Variants in STK32B observed in about 807,000 individuals in gnomAD.
STK32B encodes serine/threonine-protein kinase 32B.
In STK32B, 43 loss-of-function variants were observed where a neutral mutation model predicts 52.6. The ratio of observed to expected loss-of-function variants is 0.82; its 90% confidence interval spans 0.64 to 1.05. The LOEUF (loss-of-function observed/expected upper bound fraction) is 1.05, where lower values mean the gene tolerates loss of function less well. Ranked by LOEUF, STK32B falls within the 50% of genes least tolerant of loss-of-function variation. STK32B has a pLI of 0.00. For synonymous variants in STK32B, 238 were observed against 204.3 expected, an observed-to-expected ratio of 1.17 and a Z score of -1.41; for missense variants, 621 against 534.6, an observed-to-expected ratio of 1.16 and a Z score of -1.59.
intron 3 of STK32B, among the ~76,000 whole-genome samples, chr4:5,243,788 AG>A (rs774421133): frequency 1.3e-5 from 2 of 152,092 alleles, no homozygotes; most frequent in South Asian, 2.1e-4. Context: ...TTTAGCATGA[AG>A]GGTTGTTGAA....
At chr4:5,411,792 A>G (rs1292803754) in intron 5 of STK32B, among the ~76,000 whole-genome samples, 1 of 152,048 alleles carries the variant, frequency 6.6e-6, no homozygotes, top group Non-Finnish European at 1.5e-5. Context: ...ATCTCAGACT[A>G]CTGGACTTTG....
chr4:5,195,004 T>C (rs142504363), intron 3 of STK32B, among the ~76,000 whole-genome samples: 58 of 152,260 alleles, frequency 3.8e-4, no homozygotes, highest in African/African-American at 1.1e-3. Context: ...GGGATTATAA[T>C]TGAACATGAG....
At chr4:5,446,289 G>C (rs970993616) in intron 6 of STK32B, among the ~76,000 whole-genome samples, 1 of 152,216 alleles carries the variant, frequency 6.6e-6, no homozygotes, top group Non-Finnish European at 1.5e-5. Flanking sequence ...TTTCTGACCG[G>C]ATGCGATGGC....
chr4:5,385,860 C>T (rs1270652093), intron 4 of STK32B, among the ~76,000 whole-genome samples: 2 of 151,548 alleles, frequency 1.3e-5, no homozygotes, highest in East Asian at 3.9e-4. Context: ...AGCCCCCACC[C>T]ACAGCTCCAC....
Position 5,434,454 on chromosome 4 carries a change from G to GTGTGTGTA in STK32B, c.563-12218_563-12217insGTGTGTAT, listed in dbSNP as rs1412605937. Among the ~76,000 whole-genome samples, 139 of 131,250 alleles carry GTGTGTGTA rather than the reference G, an allele frequency of 1.1e-3. 1 individual carries two copies. The highest frequency in any genetic ancestry group is 3.7e-3 in the African/African-American group (131 of 35,032). The allele number at this position is 131,250 out of a possible 152,430, so 86.1% of individuals were successfully genotyped here. A position where few individuals can be genotyped will look rare whatever the true frequency, so the allele number is the denominator to read the frequency against. Reference sequence around the variant, plus strand: ...TGTATGTGTGTGTGTGTGTGTGTGTGTATATATATATATATATATGATTTT... The same window carrying GTGTGTGTA: ...TGTATGTGTGTGTGTGTGTGTGTGTGTGTGTGTATATATATATATATATATATGATTTT... On this transcript the variant is annotated intron_variant, in intron 6 of 11. Coordinates refer to ENST00000282908, the MANE Select transcript of STK32B (RefSeq NM_018401.3).
At chr4:5,411,971 C>T (rs1214924952) in intron 5 of STK32B, among the ~76,000 whole-genome samples, 4 of 152,106 alleles carry the variant, frequency 2.6e-5, no homozygotes, top group South Asian at 2.1e-4. Context: ...GTCTATCAAT[C>T]GTGTAAGTCC....
chr4:5,177,121 C>T (rs960756313), intron 3 of STK32B, among the ~76,000 whole-genome samples: 1 of 152,162 alleles, frequency 6.6e-6, no homozygotes, highest in Non-Finnish European at 1.5e-5. Context: ...CACTCTTATA[C>T]TGCTATAAAG....
At chr4:5,025,290 C>G in the STK32B span, among the ~76,000 whole-genome samples, 1 of 152,164 alleles carries the variant, frequency 6.6e-6, no homozygotes, top group East Asian at 1.9e-4. Context: ...CCACTTGATC[C>G]CCCATAGTGA....
chr4:5,029,967 A>C, the STK32B span, among the ~76,000 whole-genome samples: 1 of 152,138 alleles, frequency 6.6e-6, no homozygotes, highest in East Asian at 1.9e-4. Flanking sequence ...TGGTTTTATA[A>C]GGGGCTCTTC....
intron 4 of STK32B, among the ~76,000 whole-genome samples, chr4:5,382,234 C>G (rs1339573665): frequency 6.6e-6 from 1 of 152,150 alleles, no homozygotes; most frequent in Non-Finnish European, 1.5e-5. Context: ...GCCCTGTCAA[C>G]GTTAACTCAT....
intron 11 of STK32B, among the ~76,000 whole-genome samples, chr4:5,493,745 T>G (rs1430817136): frequency 6.6e-6 from 1 of 152,228 alleles, no homozygotes; most frequent in East Asian, 1.9e-4. Context: ...TACACACTGC[T>G]TTGAATGTGT....
intron 4 of STK32B, among the ~76,000 whole-genome samples, chr4:5,344,676 G>T (rs1733327830): frequency 6.7e-6 from 1 of 148,968 alleles, no homozygotes; most frequent in African/African-American, 2.5e-5. Flanking sequence ...TTTTCTTTTT[G>T]GCAAACTTTG....
intron 5 of STK32B, among the ~76,000 whole-genome samples, chr4:5,407,196 TAAA>T (rs1206449694): frequency 1.3e-5 from 2 of 152,054 alleles, no homozygotes; most frequent in East Asian, 3.8e-4. Context: ...TGCCAACACA[TAAA>T]AAAAGTGACC....
At chr4:5,329,859 G>A (rs191253563) in intron 3 of STK32B, among the ~76,000 whole-genome samples, 4 of 152,346 alleles carry the variant, frequency 2.6e-5, no homozygotes, top group African/African-American at 7.2e-5. Context: ...CCCAGTCTCT[G>A]TAATGGGAGC....
chr4:5,367,750 C>T (rs149212239), intron 4 of STK32B, among the ~76,000 whole-genome samples: 10 of 152,262 alleles, frequency 6.6e-5, no homozygotes, highest in East Asian at 5.8e-4. Context: ...TATCCTTTCC[C>T]GTTTGTGCCA....
At chr4:5,369,902 G>A (rs960577952) in intron 4 of STK32B, among the ~76,000 whole-genome samples, 8 of 151,528 alleles carry the variant, frequency 5.3e-5, no homozygotes, top group East Asian at 3.9e-4. Flanking sequence ...TTGAGACGGC[G>A]TCTTGCTCTG....
At chr4:5,379,713 G>A (rs1000732736) in intron 4 of STK32B, among the ~76,000 whole-genome samples, 14 of 152,162 alleles carry the variant, frequency 9.2e-5, no homozygotes, top group Non-Finnish European at 1.6e-4. Context: ...ACTGTGGGAG[G>A]ACGCAAGGCA....
At chr4:5,348,481 A>G (rs1285217679) in intron 4 of STK32B, among the ~76,000 whole-genome samples, 1 of 152,130 alleles carries the variant, frequency 6.6e-6, no homozygotes, top group Non-Finnish European at 1.5e-5. Context: ...CCAAGGAGGG[A>G]GCAACTGGCA....
At position 5,118,441 on chromosome 4, in the gene STK32B, C is replaced by T. The variant is rs188874050; in HGVS notation, c.53-21464C>T. Among the ~76,000 whole-genome samples, 26 of 152,270 alleles carry T rather than the reference C, an allele frequency of 1.7e-4. 1 individual carries two copies. In the East Asian group the frequency reaches 2.9e-3, roughly 17 times the overall value. On this transcript the variant is annotated intron_variant, in intron 1 of 11. Transcript: ENST00000282908. The stretch of plus-strand genomic sequence containing the variant: ...CCTTTTCTTGGATTTTCAAAAATAC[C>T]GAACTCACTCCCGCCCCAGGCCTTT...
Sources: allele counts gnomAD v4.1 joint callset (sites outside exome capture counted in the v4.1 genomes callset), GRCh38; gene constraint gnomAD v4.1.1; transcripts MANE v1.5; gene names NCBI Gene and HGNC (gene_info 2026-07-23, HGNC 2026-07-21).